The following PUDP variants were observed in gnomAD, a reference collection of about 807,000 sequenced individuals.
PUDP encodes pseudouridine-5'-phosphatase.
A neutral mutation model predicts 9.4 loss-of-function variants in PUDP; 8 were observed. The observed-to-expected ratio is 0.85, with a 90% CI of 0.50 to 1.53. PUDP has a LOEUF of 1.53. Among genes scored for constraint, PUDP ranks in the 40% most tolerant of loss-of-function variants. The pLI is 0.00. For synonymous variants in PUDP, 99 were observed against 80.7 expected (o/e 1.23, Z -1.22); for missense variants, 188 against 189.7 (o/e 0.99, Z 0.05).
At chrX:6,883,737 T>C (rs938080574) in intron 3 of PUDP, among the ~76,000 whole-genome samples, 10 of 111,749 alleles carry the variant, frequency 8.9e-5, no homozygotes, top group African/African-American at 3.2e-4. Flanking sequence ...TTCTATTTCC[T>C]TGTGCTCAGT....
intron 2 of PUDP, among the ~76,000 whole-genome samples, chrX:7,082,457 C>G (rs1185441254): frequency 8.9e-6 from 1 of 112,063 alleles, no homozygotes; most frequent in East Asian, 2.8e-4. Context: ...GCAACAGAAT[C>G]AAGTGGGGGG....
chrX:6,730,835 A>C lies in PUDP; in HGVS notation c.*248-24369T>G, dbSNP rs903868217. Among the ~76,000 whole-genome samples, 3 of 111,993 alleles carry C rather than the reference A, an allele frequency of 2.7e-5. No homozygotes were observed. The South Asian group carries it at 1.1e-3, about 42-fold the overall frequency. Reference sequence around the variant, plus strand: ...GTGAGGCACCAAGTGACAGACCTGAAAAGAAACTCACAAAGCACATCACAA... The same window carrying C: ...GTGAGGCACCAAGTGACAGACCTGACAAGAAACTCACAAAGCACATCACAA... On this transcript the variant is annotated intron_variant and NMD_transcript_variant, in intron 3 of 3. Coordinates refer to the PUDP transcript ENST00000655425.
intron 1 of PUDP, among the ~76,000 whole-genome samples, chrX:7,022,553 G>A (rs1929648047): frequency 9.0e-6 from 1 of 111,349 alleles, no homozygotes; most frequent in African/African-American, 3.3e-5. Flanking sequence ...AGCATATTAG[G>A]ATGTGAGAAT....
intron 3 of PUDP, among the ~76,000 whole-genome samples, chrX:6,886,648 T>G (rs191411143): frequency 1.8e-5 from 2 of 111,561 alleles, no homozygotes; most frequent in Admixed American, 1.9e-4. Context: ...ATCCAAGATA[T>G]CTCTGTGGAG....
chrX:6,946,338 T>C (rs2146779500), intron 3 of PUDP, among the ~76,000 whole-genome samples: 1 of 111,696 alleles, frequency 9.0e-6, no homozygotes, highest in South Asian at 3.8e-4. Context: ...GCTTATTGAA[T>C]ACGTATATTC....
chrX:6,828,047 T>C (rs1312480948), intron 3 of PUDP, among the ~76,000 whole-genome samples: 3 of 112,102 alleles, frequency 2.7e-5, no homozygotes, highest in South Asian at 3.8e-4. Context: ...CAGGGTTTTC[T>C]AACAATAGGC....
intron 3 of PUDP, among the ~76,000 whole-genome samples, chrX:6,813,124 A>AAAG (rs1324828604): frequency 9.1e-6 from 1 of 109,704 alleles, no homozygotes; most frequent in South Asian, 4.0e-4. Context: ...AAGAGAGAGA[A>AAAG]AAGAAGAAGA....
intron 1 of PUDP, among the ~76,000 whole-genome samples, chrX:7,027,727 C>T (rs867277291): frequency 1.1e-5 from 1 of 92,593 alleles, no homozygotes; most frequent in South Asian, 5.0e-4. Flanking sequence ...ATATAGACTA[C>T]ATTATAGTCT....
intron 3 of PUDP, among the ~76,000 whole-genome samples, chrX:6,918,928 T>G (rs1927976526): frequency 8.9e-6 from 1 of 112,199 alleles, no homozygotes; most frequent in Admixed American, 9.4e-5. Context: ...TCATTCAAAT[T>G]CAGAAACAAA....
intron 3 of PUDP, among the ~76,000 whole-genome samples, chrX:6,966,362 T>C (rs1425536698): frequency 9.0e-6 from 1 of 110,868 alleles, no homozygotes; most frequent in East Asian, 2.8e-4. Context: ...ATGCCTGTTA[T>C]ATAGAAACTA....
intron 3 of PUDP, among the ~76,000 whole-genome samples, chrX:6,965,293 CTG>C (rs1491115567): frequency 0.21 from 23,470 of 110,760 alleles, 1,951 homozygotes; most frequent in Admixed American, 0.35. Context: ...TTTTTAAACA[CTG>C]GAGAGGAGAA....
chrX:6,829,141 G>A (rs1475627001), intron 3 of PUDP, among the ~76,000 whole-genome samples: 1 of 111,333 alleles, frequency 9.0e-6, no homozygotes, highest in Non-Finnish European at 1.9e-5. Context: ...TGCAGAATGT[G>A]CCATGACTTG....
chrX:6,725,561 A>T (rs922695071), upstream of PUDP, among the ~76,000 whole-genome samples: 2 of 111,772 alleles, frequency 1.8e-5, no homozygotes, highest in Non-Finnish European at 3.8e-5. Flanking sequence ...TTCTCCGATC[A>T]TCCACTGATG....
At chrX:6,921,263 GCCCC>G (rs1928018339) in intron 3 of PUDP, among the ~76,000 whole-genome samples, 1 of 109,941 alleles carries the variant, frequency 9.1e-6, no homozygotes, top group African/African-American at 3.3e-5. Flanking sequence ...CAAACCCCTG[GCCCC>G]AGCTACTCAG....
At chrX:6,720,204 GTGTGTATATATATA>G (rs1924648425) in intron 1 of PUDP, among the ~76,000 whole-genome samples, 2 of 88,557 alleles carry the variant, frequency 2.3e-5, no homozygotes, top group African/African-American at 5.1e-5. Context: ...GTATATATAT[GTGTGTATATATATA>G]TGTGTATATA....
chrX:7,066,072 C>T (rs756857335), intron 3 of PUDP, among the ~76,000 whole-genome samples: 9 of 112,067 alleles, frequency 8.0e-5, no homozygotes, highest in East Asian at 2.8e-4. Flanking sequence ...GCAGGACCAA[C>T]GAACTTGATG....
intron 2 of PUDP, among the ~76,000 whole-genome samples, chrX:6,977,305 C>T (rs1028760179): frequency 1.8e-5 from 2 of 111,383 alleles, no homozygotes; most frequent in South Asian, 7.6e-4. Flanking sequence ...AAGGTGACTG[C>T]TGGAATCATC....
At chrX:6,747,153 T>G (rs1172496678) in intron 3 of PUDP, among the ~76,000 whole-genome samples, 9 of 112,150 alleles carry the variant, frequency 8.0e-5, no homozygotes, top group Non-Finnish European at 1.9e-5. Context: ...CACTAGTCAA[T>G]ACATACTTTT....
chrX:7,069,471 G>A (rs1235424846), intron 3 of PUDP, among the ~76,000 whole-genome samples: 1 of 110,596 alleles, frequency 9.0e-6, no homozygotes, highest in African/African-American at 3.3e-5. Flanking sequence ...TAGAAACAAG[G>A]ATGCCACGTG....
Sources: allele counts gnomAD v4.1 joint callset (sites outside exome capture counted in the v4.1 genomes callset), GRCh38; gene constraint gnomAD v4.1.1; transcripts MANE v1.5; gene names NCBI Gene and HGNC (gene_info 2026-07-23, HGNC 2026-07-21).